COL6A6: variants seen among roughly 807,000 people sequenced by gnomAD.
COL6A6 encodes collagen alpha-6(VI) chain.
Under a neutral mutation model 208.6 loss-of-function variants are expected in COL6A6, and 183 were observed. That is an observed-to-expected ratio of 0.88 (90% CI 0.78 to 0.99). The LOEUF (loss-of-function observed/expected upper bound fraction) is 0.99. Among genes scored for constraint, COL6A6 ranks in the 50% least tolerant of loss-of-function variants. The probability of loss-of-function intolerance (pLI) is 0.00; values close to 1 mark genes in which losing one functional copy is unlikely to be tolerated. For synonymous variants in COL6A6, 973 were observed against 1,011.8 expected (o/e 0.96, Z 0.73); for missense variants, 2,816 against 2,815.2 (o/e 1.00, Z -0.01).
rs72992286 is a variant in COL6A6 at position 130,570,692 on chromosome 3, C to T, written c.2402-126C>T. On this transcript the variant is annotated intron_variant, in intron 6 of 36. Coordinates refer to ENST00000358511, the MANE Select transcript of COL6A6 (RefSeq NM_001102608.3). ...TGTATTGTCCTCTTATCCAGGGAACCGACATTCTAATGCACAGCATGATCC... is the reference window on the plus strand; with the variant it reads ...TGTATTGTCCTCTTATCCAGGGAACTGACATTCTAATGCACAGCATGATCC... The T allele has an allele frequency of 0.019, 12,983 of 690,740 alleles. 1,209 individuals are homozygous for T. In the African/African-American group the frequency reaches 0.21, roughly 11 times the overall value. The allele number at this position is 690,740 out of a possible 1,614,324, so 42.8% of individuals were successfully genotyped here.
chr3:130,582,403 GAAGAGAAGAGTATATTTCTCCT>G (rs2063446815), intron 10 of COL6A6, among the ~76,000 whole-genome samples: 1 of 152,146 alleles, frequency 6.6e-6, no homozygotes, highest in Non-Finnish European at 1.5e-5. Flanking sequence ...AGTGTCACCA[GAAGAGAAGAGTATATTTCTCCT>G]TGACCAGGGA....
intron 33 of COL6A6, among the ~76,000 whole-genome samples, chr3:130,655,862 C>T (rs1486014033): frequency 1.3e-5 from 2 of 152,230 alleles, no homozygotes; most frequent in Non-Finnish European, 2.9e-5. Context: ...CTGTGCTTGG[C>T]TCATGCTACC....
At chr3:130,598,572 G>T in intron 19 of COL6A6, 142 bp downstream of exon 19, 1 of 632,444 alleles carries the variant, frequency 1.6e-6, no homozygotes. Flanking sequence ...GGAGCAAAAT[G>T]ATCTTTTCTC....
chr3:130,654,742 G>C (rs1442158666), intron 33 of COL6A6, among the ~76,000 whole-genome samples: 3 of 152,208 alleles, frequency 2.0e-5, no homozygotes, highest in African/African-American at 7.2e-5. Context: ...AATTGCAGTA[G>C]AGAAAGAGCT....
chr3:130,565,384 C>A lies in COL6A6; in HGVS notation c.1052C>A (p.Ala351Glu), dbSNP rs779456836. 31 of 1,613,816 alleles carry A rather than the reference C, an allele frequency of 1.9e-5. No individual in the cohort carries two copies. Among genetic ancestry groups the A allele is most frequent in the Non-Finnish European group, 2.6e-5 (31 of 1,179,888 alleles). ...GATTCAGAAGACAACGTGACAAAAG[C>A]AGCTGTTAACCTCCGACGGGAGGGT... ...HRDSEDNVTK[A>E]AVNLRREGVT... The change falls in exon 4 of 37, where the codon GCA becomes GAA. Residue 351 changes from alanine (A) to glutamate (E), a missense_variant. Coordinates refer to ENST00000358511, the MANE Select transcript of COL6A6 (RefSeq NM_001102608.3).
chr3:130,634,561 G>C, intron 26 of COL6A6, 29 bp from the exon 27 acceptor site: 1 of 1,589,560 alleles, frequency 6.3e-7, no homozygotes, highest in East Asian at 2.3e-5. Context: ...ATGTGTGCCT[G>C]TATAAATCTT....
rs567954115 is a variant in COL6A6 at position 130,525,298 on chromosome 3, AT to A, written c.-32+7906del. ...CTCGGAATAACAGTTCAGAAGTCAT[AT>A]TTTTCATGGTAAGAGGAAATTTTGA... On this transcript the variant is annotated intron_variant, in intron 1 of 36. Coordinates refer to ENST00000358511, the MANE Select transcript of COL6A6 (RefSeq NM_001102608.3). Among the ~76,000 whole-genome samples the A allele has an allele frequency of 5.0e-3, 769 of 152,284 alleles. 1 individual carries two copies. Among genetic ancestry groups the A allele is most frequent in the African/African-American group, 0.011 (459 of 41,564 alleles).
intron 26 of COL6A6, among the ~76,000 whole-genome samples, chr3:130,634,259 A>T (rs983815195): frequency 1.7e-5 from 1 of 60,604 alleles, no homozygotes; most frequent in East Asian, 4.1e-4. Flanking sequence ...AAAAAAAAAA[A>T]AAAAAAAGAT....
At chr3:130,588,459 T>C (rs1220752330) in intron 11 of COL6A6, among the ~76,000 whole-genome samples, 1 of 152,242 alleles carries the variant, frequency 6.6e-6, no homozygotes, top group Non-Finnish European at 1.5e-5. Flanking sequence ...TTTTAAAATA[T>C]ATGATATAGA....
At chr3:130,672,833 A>G (rs2066253136) in intron 36 of COL6A6, among the ~76,000 whole-genome samples, 1 of 150,800 alleles carries the variant, frequency 6.6e-6, no homozygotes, top group Non-Finnish European at 1.5e-5. Context: ...ACATGGTGAA[A>G]CCCCATCCCT....
At chr3:130,537,634 T>C (rs921000525) in intron 1 of COL6A6, among the ~76,000 whole-genome samples, 8 of 152,256 alleles carry the variant, frequency 5.3e-5, no homozygotes, top group Non-Finnish European at 1.0e-4. Flanking sequence ...ATTTGTTGAA[T>C]GTCTACTTTG....
At chr3:130,640,005 A>C (rs981271918) in intron 28 of COL6A6, among the ~76,000 whole-genome samples, 2 of 152,034 alleles carry the variant, frequency 1.3e-5, no homozygotes, top group Admixed American at 1.3e-4. Flanking sequence ...TAGGTTCTCA[A>C]CTCAGCCTGG....
At chr3:130,555,288 C>T (rs1355583384) in intron 1 of COL6A6, among the ~76,000 whole-genome samples, 1 of 152,088 alleles carries the variant, frequency 6.6e-6, no homozygotes, top group Non-Finnish European at 1.5e-5. Context: ...TTGAACTCAC[C>T]CCTTCCCCAG....
chr3:130,581,845 G>A lies in COL6A6; in HGVS notation c.3832G>A (p.Ala1278Thr). Reference protein sequence around the residue: ...ITVKGPSLLNANLLDSLWDTF... With the variant: ...ITVKGPSLLNTNLLDSLWDTF... Reference sequence around the variant, plus strand: ...AGTTAAAGGACCATCTCTTCTCAATGCAAACCTCTTGGATTCTCTATGGGA... The same window carrying A: ...AGTTAAAGGACCATCTCTTCTCAATACAAACCTCTTGGATTCTCTATGGGA... Residue 1278 changes from alanine (A) to threonine (T), a missense_variant, in exon 9 of 37, where the codon GCA (alanine) becomes ACA (threonine). By Grantham distance (58) the Ala-to-Thr change is moderately conservative. Coordinates refer to ENST00000358511, the MANE Select transcript of COL6A6 (RefSeq NM_001102608.3). 6.2e-7 allele frequency: 1 copy of A among 1,613,240 alleles called. No individual in the cohort carries two copies. Among genetic ancestry groups the A allele is most frequent in the Admixed American group, 1.7e-5 (1 of 60,010 alleles).
chr3:130,625,463 C>A (rs2064857571), intron 24 of COL6A6, among the ~76,000 whole-genome samples: 1 of 152,134 alleles, frequency 6.6e-6, no homozygotes, highest in Non-Finnish European at 1.5e-5. Context: ...AGGTTAACAT[C>A]AACACTGATG....
intron 11 of COL6A6, 29 bp downstream of exon 11, chr3:130,586,689 T>G: frequency 6.3e-7 from 1 of 1,589,774 alleles, no homozygotes; most frequent in Non-Finnish European, 8.5e-7. Context: ...GCTGGTGAGC[T>G]TAAATTTTCA....
intron 1 of COL6A6, among the ~76,000 whole-genome samples, chr3:130,531,296 TACTA>T (rs10586833): frequency 0.059 from 9,007 of 152,016 alleles, 895 homozygotes; most frequent in African/African-American, 0.21. Context: ...ATTAGCAGCA[TACTA>T]ACAACAGTAG....
intron 12 of COL6A6, among the ~76,000 whole-genome samples, chr3:130,590,329 T>A (rs1261437254): frequency 3.3e-4 from 37 of 112,404 alleles, no homozygotes; most frequent in African/African-American, 6.8e-4. Context: ...TTTTTTTTTT[T>A]ACTATAAGTT....
intron 29 of COL6A6, 79 bp from the exon 30 acceptor site, chr3:130,642,753 T>G: frequency 7.7e-7 from 1 of 1,293,222 alleles, no homozygotes; most frequent in South Asian, 1.3e-5. Context: ...TATCACTTTC[T>G]GAGGGCAATG....
Sources: allele counts gnomAD v4.1 joint callset (sites outside exome capture counted in the v4.1 genomes callset), GRCh38; gene constraint gnomAD v4.1.1; transcripts MANE v1.5; gene names NCBI Gene and HGNC (gene_info 2026-07-23, HGNC 2026-07-21).